The following SVOP variants were observed in gnomAD, a reference collection of about 807,000 sequenced individuals.
SVOP encodes the protein synaptic vesicle 2-related protein.
A neutral mutation model predicts 69.1 loss-of-function variants in SVOP; 17 were observed. The observed-to-expected ratio is 0.25, with a 90% confidence interval of 0.17 to 0.37. SVOP has a LOEUF of 0.37. SVOP is among the 10% of genes least tolerant of loss of function. The pLI, the probability that SVOP is intolerant of heterozygous loss-of-function variation, is 1.00. For synonymous variants in SVOP, 238 were observed against 238.6 expected (o/e 1.00, Z 0.02); for missense variants, 435 against 597.5 (o/e 0.73, Z 2.84).
intron 1 of SVOP, among the ~76,000 whole-genome samples, chr12:108,986,784 G>A (rs979579207): frequency 6.6e-6 from 1 of 152,026 alleles, no homozygotes; most frequent in Non-Finnish European, 1.5e-5. Context: ...GGGGAGGGGG[G>A]GGTCTTTATA....
intron 6 of SVOP, among the ~76,000 whole-genome samples, chr12:108,956,557 A>T (rs913634282): frequency 1.4e-4 from 21 of 152,194 alleles, no homozygotes; most frequent in Non-Finnish European, 4.4e-5. Context: ...ACTTGGTAGC[A>T]ACTTAGGTAC....
At chr12:108,979,809 A>T (rs1214979016) in intron 2 of SVOP, among the ~76,000 whole-genome samples, 1 of 148,636 alleles carries the variant, frequency 6.7e-6, no homozygotes, top group African/African-American at 2.5e-5. Context: ...TTCCAAATAA[A>T]CAAGTGTTAT....
At chr12:108,972,182 G>A (rs1429720734) in intron 5 of SVOP, among the ~76,000 whole-genome samples, 3 of 151,550 alleles carry the variant, frequency 2.0e-5, no homozygotes, top group Non-Finnish European at 4.4e-5. Context: ...ATATGAATAG[G>A]CATTGATTGT....
chr12:108,981,197 G>A (rs1427752077), intron 2 of SVOP, among the ~76,000 whole-genome samples: 4 of 152,182 alleles, frequency 2.6e-5, no homozygotes, highest in Admixed American at 6.5e-5. Flanking sequence ...GCACTGTGCC[G>A]AAAGCTAGAT....
intron 6 of SVOP, among the ~76,000 whole-genome samples, chr12:108,946,607 T>A (rs987484884): frequency 1.3e-5 from 2 of 151,774 alleles, no homozygotes; most frequent in Non-Finnish European, 2.9e-5. Flanking sequence ...CCTTTGTCTA[T>A]CTTATCTTCT....
At chr12:108,924,564 G>A (rs1437954432) in intron 11 of SVOP, among the ~76,000 whole-genome samples, 4 of 152,202 alleles carry the variant, frequency 2.6e-5, no homozygotes, top group Admixed American at 2.6e-4. Flanking sequence ...CATCACTGCT[G>A]AGACAGAGCA....
intron 10 of SVOP, 177 bp downstream of exon 10, chr12:108,937,087 A>G (rs994616086): frequency 1.6e-6 from 1 of 618,954 alleles, no homozygotes; most frequent in African/African-American, 1.8e-5. Context: ...AGGAAATGAT[A>G]GTACGTACAG....
intron 1 of SVOP, among the ~76,000 whole-genome samples, chr12:108,988,717 T>C (rs1017885075): frequency 1.3e-5 from 2 of 151,870 alleles, no homozygotes; most frequent in Non-Finnish European, 2.9e-5. Flanking sequence ...AGATTCTATA[T>C]GAATCTTCAG....
chr12:108,961,131 TGGGGTCACATTAAA>T, intron 5 of SVOP, 84 bp from the exon 6 acceptor site: 1 of 1,452,178 alleles, frequency 6.9e-7, no homozygotes, highest in Non-Finnish European at 9.1e-7. Context: ...CCGCCGATAA[TGGGGTCACATTAAA>T]GGGAGCCTAC....
At chr12:108,941,233 G>A (rs182615286) in intron 7 of SVOP, among the ~76,000 whole-genome samples, 117 of 152,204 alleles carry the variant, frequency 7.7e-4, no homozygotes, top group Non-Finnish European at 2.6e-4. Flanking sequence ...TTCTCTCTCT[G>A]TCTCTCTGTC....
chr12:108,990,996 C>T (rs36141223), intron 1 of SVOP, among the ~76,000 whole-genome samples: 135,291 of 152,206 alleles, frequency 0.89, 61,262 homozygotes, highest in Non-Finnish European at 0.99. Context: ...ATTCTGCTGT[C>T]CCCCTGCCCT....
chr12:108,952,399 T>C (rs1289124514), intron 6 of SVOP, among the ~76,000 whole-genome samples: 1 of 151,784 alleles, frequency 6.6e-6, no homozygotes, highest in Non-Finnish European at 1.5e-5. Flanking sequence ...CACGCCTGGC[T>C]AATTTTTATA....
chr12:108,944,604 C>T (rs2039912052), intron 7 of SVOP, among the ~76,000 whole-genome samples: 1 of 152,162 alleles, frequency 6.6e-6, no homozygotes, highest in Non-Finnish European at 1.5e-5. Context: ...GCTCTGAGAT[C>T]TTTCAGACCA....
At chr12:108,952,765 G>A (rs947632458) in intron 6 of SVOP, among the ~76,000 whole-genome samples, 1 of 152,162 alleles carries the variant, frequency 6.6e-6, no homozygotes, top group Non-Finnish European at 1.5e-5. Context: ...AGGCTGTGGT[G>A]GGAGGATCCC....
At chr12:108,991,583 G>A (rs574414898) in intron 1 of SVOP, among the ~76,000 whole-genome samples, 2 of 152,082 alleles carry the variant, frequency 1.3e-5, no homozygotes, top group South Asian at 4.2e-4. Flanking sequence ...GGCCTCCTGA[G>A]TAGCTGGGAT....
intron 1 of SVOP, 73 bp from the exon 2 acceptor site, chr12:108,983,834 A>G: frequency 2.5e-6 from 1 of 398,684 alleles, no homozygotes; most frequent in Non-Finnish European, 4.4e-6. Context: ...AGCTCTAGTG[A>G]CCAGGACAGG....
chr12:108,933,605 A>T (rs59322667), intron 11 of SVOP, among the ~76,000 whole-genome samples: 14,677 of 152,120 alleles, frequency 0.096, 915 homozygotes, highest in Non-Finnish European at 0.14. Flanking sequence ...GCTTGAACCC[A>T]GGAAGCGGAG....
intron 1 of SVOP, among the ~76,000 whole-genome samples, chr12:109,018,828 A>G (rs1648363200): frequency 6.6e-6 from 1 of 152,246 alleles, no homozygotes; most frequent in Admixed American, 6.5e-5. Flanking sequence ...AATAGCTAAT[A>G]TGCATTGAGT....
intron 6 of SVOP, among the ~76,000 whole-genome samples, 183 bp from the exon 7 acceptor site, chr12:108,945,349 T>C (rs1291241946): frequency 1.3e-5 from 2 of 152,156 alleles, no homozygotes; most frequent in Non-Finnish European, 2.9e-5. Flanking sequence ...TCCTAGACCT[T>C]CAGAAACAGA....
Sources: gnomAD v4.1 joint callset for allele counts (sites outside exome capture counted in the v4.1 genomes callset) on GRCh38, gnomAD v4.1.1 for gene constraint, MANE v1.5 for transcripts, NCBI Gene and HGNC (gene_info 2026-07-23, HGNC 2026-07-21) for gene names.